Variants in SEMG2 observed in about 807,000 individuals in gnomAD.
SEMG2 encodes the protein semenogelin-2.
A neutral mutation model predicts 8.1 loss-of-function variants in SEMG2; 3 were observed. The observed-to-expected ratio is 0.37, with a 90% CI of 0.17 to 0.96. The LOEUF is 0.96. Among genes scored for constraint, SEMG2 ranks in the 40% least tolerant of loss-of-function variants. The pLI is 0.41. For synonymous variants in SEMG2, 252 were observed against 231.4 expected, an observed-to-expected ratio of 1.09 and a Z score of -0.81; for missense variants, 726 against 671.2, an observed-to-expected ratio of 1.08 and a Z score of -0.90.
Position 45,223,326 on chromosome 20 carries a change from A to C in SEMG2, c.1694A>C (p.Gln565Pro), listed in dbSNP as rs759590891. 6.2e-7 allele frequency: 1 copy of C among 1,613,972 alleles called. No homozygotes were observed. The change falls in exon 2 of 3, where the codon CAA (glutamine) becomes CCA (proline). Residue 565 changes from glutamine (Q) to proline (P), a missense_variant. By Grantham distance (76) the Gln-to-Pro change is moderately conservative. Transcript: ENST00000372769. ...NIVITEHEVA[Q>P]DDHLTQQYNE... ...GTAATTACTGAGCATGAGGTTGCCC[A>C]AGATGATCATTTGACACAACAATAT...
At position 45,221,802 on chromosome 20, in the gene SEMG2, C is replaced by A. The variant is rs755599676; in HGVS notation, c.170C>A (p.Thr57Asn). The A allele has an allele frequency of 6.2e-7, 1 of 1,614,038 alleles. No individual in the cohort carries two copies. The highest frequency in any genetic ancestry group is 1.6e-4 in the Middle Eastern group (1 of 6,084). ...TTTGGACAAAAAGACCAACAACATA[C>A]TAAATCCAAAGGCAGTTTTTCTATT... is the stretch of plus-strand genomic sequence containing the variant. Reference protein sequence around the residue: ...HYFGQKDQQHTKSKGSFSIQH... With the variant: ...HYFGQKDQQHNKSKGSFSIQH... The change falls in exon 2 of 3, where the codon ACT (threonine) becomes AAT (asparagine). Residue 57 changes from threonine to asparagine, a missense_variant. Transcript: ENST00000372769.
Position 45,222,762 on chromosome 20 carries a change from A to C in SEMG2, c.1130A>C (p.Gln377Pro). ...KGVSKGSISIQTEEQIHGKSQ... is the reference protein window; with the variant it reads ...KGVSKGSISIPTEEQIHGKSQ... ...GTATCCAAAGGCAGTATTTCGATCC[A>C]AACTGAAGAGCAAATACATGGCAAG... Residue 377 changes from glutamine to proline, a missense_variant, in exon 2 of 3, where the codon CAA (glutamine) becomes CCA (proline). Physicochemically the swap from Gln to Pro is moderately conservative, Grantham distance 76. Coordinates refer to ENST00000372769, the MANE Select transcript of SEMG2 (RefSeq NM_003008.3). 1 of 1,614,202 alleles carries C rather than the reference A, an allele frequency of 6.2e-7. No individual in the cohort carries two copies. Among genetic ancestry groups the C allele is most frequent in the South Asian group, 1.1e-5 (1 of 91,082 alleles).
intron 1 of SEMG2, 115 bp from the exon 2 acceptor site, chr20:45,221,594 C>T (rs1984013467): frequency 1.4e-6 from 2 of 1,394,186 alleles, no homozygotes; most frequent in African/African-American, 2.9e-5. Context: ...TTTTCTCCAC[C>T]CAACGCTGTA....
In SEMG2 at chr20:45,221,496, C is replaced by A. The variant is rs545409458; in HGVS notation, c.76+31C>A. 3.5e-5 allele frequency: 56 copies of A among 1,610,940 alleles called. No individual in the cohort carries two copies. In the Middle Eastern group the frequency reaches 5.0e-4, roughly 14 times the overall value. ...TGGAGAGGGTAAGCCTTGGGGAAAGCTACTTTAAAAAAATGGCCTCTAAGG... is the reference window on the plus strand; with the variant it reads ...TGGAGAGGGTAAGCCTTGGGGAAAGATACTTTAAAAAAATGGCCTCTAAGG... On this transcript the variant is annotated intron_variant, in intron 1 of 2. Transcript: ENST00000372769.
rs769492942 is a variant in SEMG2 at position 45,222,251 on chromosome 20, C to T, written c.619C>T (p.Gln207Ter). 2 of 1,613,978 alleles carry T rather than the reference C, an allele frequency of 1.2e-6. No homozygotes were observed. The highest frequency in any genetic ancestry group is 2.2e-5 in the East Asian group (1 of 44,890). ...TGAAGAACTAGTAGTTAACAAACAACAACGTGAGACTAAAAATTCTCATCA... is the reference window on the plus strand; with the variant it reads ...TGAAGAACTAGTAGTTAACAAACAATAACGTGAGACTAAAAATTCTCATCA... ...QTEELVVNKQ[Q>*]RETKNSHQNK... The change falls in exon 2 of 3, where the codon CAA (glutamine) becomes TAA (stop). Residue 207 changes from glutamine (Q) to a stop codon, truncating the protein, a stop_gained. Transcript: ENST00000372769. LOFTEE classifies it low-confidence loss of function (END_TRUNC).
Position 45,222,436 on chromosome 20 carries a change from C to A in SEMG2, c.804C>A (p.His268Gln). ...TCCTAGTATATAACAAGAATCAACACCAGACAAAAAATCTCAGTCAAGATC... is the reference window on the plus strand; with the variant it reads ...TCCTAGTATATAACAAGAATCAACAACAGACAAAAAATCTCAGTCAAGATC... ...DELLVYNKNQ[H>Q]QTKNLSQDQE... is the part of the protein sequence containing the mutation. Residue 268 changes from histidine to glutamine, a missense_variant, in exon 2 of 3, where the codon CAC becomes CAA. Transcript: ENST00000372769. The A allele has an allele frequency of 1.2e-6, 2 of 1,614,026 alleles. No homozygotes were observed. The highest frequency in any genetic ancestry group is 1.1e-5 in the South Asian group (1 of 91,060).
In SEMG2 at chr20:45,222,751, T is replaced by C. The variant is rs772170960; in HGVS notation, c.1119T>C (p.Ser373=). ...TCCAGAAAGGTGTATCCAAAGGCAG[T>C]ATTTCGATCCAAACTGAAGAGCAAA... ...KGIQKGVSKG[S]ISIQTEEQIH... is the part of the protein sequence containing the mutation. Residue 373 remains serine, a synonymous_variant, in exon 2 of 3, where the codon AGT becomes AGC. Coordinates refer to ENST00000372769, the MANE Select transcript of SEMG2 (RefSeq NM_003008.3). 9.3e-6 allele frequency: 15 copies of C among 1,612,954 alleles called. No homozygotes were observed. Among genetic ancestry groups the C allele is most frequent in the South Asian group, 6.6e-5 (6 of 91,008 alleles).
chr20:45,224,124 G>A (rs1984087341), intron 2 of SEMG2, among the ~76,000 whole-genome samples, 167 bp from the exon 3 acceptor site: 1 of 152,154 alleles, frequency 6.6e-6, no homozygotes, highest in Admixed American at 6.5e-5. Flanking sequence ...CCTGAAGAGA[G>A]GGTAAGCAGC....
rs1041604900 is a variant in SEMG2 at position 45,221,813 on chromosome 20, G to A, written c.181G>A (p.Gly61Ser). 1.2e-6 allele frequency: 2 copies of A among 1,614,044 alleles called. No individual in the cohort carries two copies. Among genetic ancestry groups the A allele is most frequent in the African/African-American group, 2.7e-5 (2 of 74,918 alleles). ...AGACCAACAACATACTAAATCCAAA[G>A]GCAGTTTTTCTATTCAACACACATA... ...QKDQQHTKSK[G>S]SFSIQHTYHV... Residue 61 changes from glycine (G) to serine (S), a missense_variant, in exon 2 of 3, where the codon GGC (glycine) becomes AGC (serine). Physicochemically the swap from Gly to Ser is moderately conservative, Grantham distance 56 (BLOSUM62 0). Transcript: ENST00000372769.
rs771103712 is a variant in SEMG2, at chr20:45,223,280, T to G, written c.1648T>G (p.Ser550Ala). ...HEQKGRYKQE[S>A]SESHNIVITE... ...ACAAAAAGGCAGATACAAACAGGAA[T>G]CCAGTGAGTCACATAATATTGTAAT... is the stretch of plus-strand genomic sequence containing the variant. Residue 550 changes from serine (S) to alanine (A), a missense_variant, in exon 2 of 3, where the codon TCC becomes GCC. Transcript: ENST00000372769. 1 of 1,614,090 alleles carries G rather than the reference T, an allele frequency of 6.2e-7. No homozygotes were observed. The highest frequency in any genetic ancestry group is 8.5e-7 in the Non-Finnish European group (1 of 1,179,974).
In SEMG2 at chr20:45,222,182, G is replaced by A. The variant is rs1243872046; in HGVS notation, c.550G>A (p.Gly184Ser). ...AGCTTCAGCCTCTGGTGCACAAAAA[G>A]GTAGAACACAAGGTGGATCCCAAAG... ...EQASASGAQK[G>S]RTQGGSQSSY... Residue 184 changes from glycine to serine, a missense_variant, in exon 2 of 3, where the codon GGT becomes AGT. Transcript: ENST00000372769. The A allele has an allele frequency of 6.2e-7, 1 of 1,613,988 alleles. No individual in the cohort carries two copies. Among genetic ancestry groups the A allele is most frequent in the Non-Finnish European group, 8.5e-7 (1 of 1,180,016 alleles).
chr20:45,222,004 C>A lies in SEMG2; in HGVS notation c.372C>A (p.His124Gln). The change falls in exon 2 of 3, where the codon CAC (histidine) becomes CAA (glutamine). Residue 124 changes from histidine to glutamine, a missense_variant. By Grantham distance (24) the His-to-Gln change is conservative. Coordinates refer to ENST00000372769, the MANE Select transcript of SEMG2 (RefSeq NM_003008.3). ...ATGATAAATCAAAAGGTCATTTTCA[C>A]ATGATAGTTATACATCATAAAGGAG... ...RDHDKSKGHF[H>Q]MIVIHHKGGQ... The A allele has an allele frequency of 6.2e-7, 1 of 1,614,084 alleles. No homozygotes were observed. Among genetic ancestry groups the A allele is most frequent in the Non-Finnish European group, 8.5e-7 (1 of 1,179,996 alleles).
In SEMG2 at chr20:45,222,769, A is replaced by G. The variant is rs769183720; in HGVS notation, c.1137A>G (p.Glu379=). Residue 379 remains glutamate (E), a synonymous_variant, in exon 2 of 3, where the codon GAA becomes GAG. Transcript: ENST00000372769. ...VSKGSISIQT[E]EQIHGKSQNQ... is the part of the protein sequence containing the mutation. ...AAGGCAGTATTTCGATCCAAACTGAAGAGCAAATACATGGCAAGTCTCAAA... is the reference window on the plus strand; with the variant it reads ...AAGGCAGTATTTCGATCCAAACTGAGGAGCAAATACATGGCAAGTCTCAAA... 6.2e-7 allele frequency: 1 copy of G among 1,614,174 alleles called. No individual in the cohort carries two copies. The highest frequency in any genetic ancestry group is 8.5e-7 in the Non-Finnish European group (1 of 1,180,006).
Position 45,221,769 on chromosome 20 carries a change from A to G in SEMG2, c.137A>G (p.Gln46Arg), listed in dbSNP as rs2145591074. ...CAATTTCCACATGGACAAAAGGGCC[A>G]GCACTATTTTGGACAAAAAGACCAA... The part of the protein sequence containing the change: ...SSQFPHGQKG[Q>R]HYFGQKDQQH... Residue 46 changes from glutamine (Q) to arginine (R), a missense_variant, in exon 2 of 3, where the codon CAG (glutamine) becomes CGG (arginine). Physicochemically the swap from Gln to Arg is conservative, Grantham distance 43 (BLOSUM62 1). Transcript: ENST00000372769. 6.2e-7 allele frequency: 1 copy of G among 1,613,688 alleles called. No individual in the cohort carries two copies. Among genetic ancestry groups the G allele is most frequent in the South Asian group, 1.1e-5 (1 of 90,822 alleles).
chr20:45,223,978 A>T (rs998895523), intron 2 of SEMG2, among the ~76,000 whole-genome samples: 1 of 152,198 alleles, frequency 6.6e-6, no homozygotes, highest in African/African-American at 2.4e-5. Context: ...GTGAAAAAGG[A>T]AGTGGAAATG....
rs1347570576 is a variant in SEMG2, at chr20:45,222,268, T to G, written c.636T>G (p.Asn212Lys). 1 of 1,614,010 alleles carries G rather than the reference T, an allele frequency of 6.2e-7. No individual in the cohort carries two copies. Among genetic ancestry groups the G allele is most frequent in the African/African-American group, 1.3e-5 (1 of 75,020 alleles). ...VVNKQQRETKNSHQNKGHYQN... is the reference protein window; with the variant it reads ...VVNKQQRETKKSHQNKGHYQN... ...ACAAACAACAACGTGAGACTAAAAA[T>G]TCTCATCAAAATAAAGGGCATTACC... is the stretch of plus-strand genomic sequence containing the variant. The change falls in exon 2 of 3, where the codon AAT (asparagine) becomes AAG (lysine). Residue 212 changes from asparagine to lysine, a missense_variant. Asn to Lys is a moderately conservative substitution (Grantham distance 94). Coordinates refer to ENST00000372769, the MANE Select transcript of SEMG2 (RefSeq NM_003008.3).
rs148802229 is a variant in SEMG2, at chr20:45,221,750, C to A, written c.118C>A (p.Pro40Thr). 1.2e-5 allele frequency: 20 copies of A among 1,610,576 alleles called. No individual in the cohort carries two copies. Among genetic ancestry groups the A allele is most frequent in the Non-Finnish European group, 1.5e-5 (18 of 1,179,184 alleles). ...GQLPSGSSQFPHGQKGQHYFG... is the reference protein window; with the variant it reads ...GQLPSGSSQFTHGQKGQHYFG... ...ATTGCCAAGCGGATCTTCCCAATTT[C>A]CACATGGACAAAAGGGCCAGCACTA... Residue 40 changes from proline (P) to threonine (T), a missense_variant, in exon 2 of 3, where the codon CCA (proline) becomes ACA (threonine). Transcript: ENST00000372769.
intron 2 of SEMG2, 69 bp downstream of exon 2, chr20:45,223,494 G>A (rs1984075680): frequency 3.0e-6 from 2 of 658,508 alleles, no homozygotes; most frequent in South Asian, 1.9e-5. Context: ...CAGGAACATG[G>A]TAGGACTGAT....
intron 1 of SEMG2, 100 bp downstream of exon 1, chr20:45,221,565 C>G: frequency 7.0e-7 from 1 of 1,430,334 alleles, no homozygotes; most frequent in Non-Finnish European, 9.6e-7. Flanking sequence ...ACAGATTCTT[C>G]TCCTTGATGA....
Sources: gnomAD v4.1 joint callset for allele counts (sites outside exome capture counted in the v4.1 genomes callset) on GRCh38, gnomAD v4.1.1 for gene constraint, MANE v1.5 for transcripts, NCBI Gene and HGNC (gene_info 2026-07-23, HGNC 2026-07-21) for gene names.